Variants in MAP3K20 observed in about 807,000 individuals in gnomAD.
MAP3K20 encodes HCCS-4.
A neutral mutation model predicts 85.7 loss-of-function variants in MAP3K20; 40 were observed. The observed-to-expected ratio is 0.47, with a 90% CI of 0.36 to 0.61. The LOEUF is 0.61. Among genes scored for constraint, MAP3K20 ranks in the 20% least tolerant of loss-of-function variants. The probability of loss-of-function intolerance (pLI) is 0.00; values close to 1 mark genes in which losing one functional copy is unlikely to be tolerated. For missense variants in MAP3K20, 817 were observed against 961.7 expected, an observed-to-expected ratio of 0.85 and a Z score of 1.99; for synonymous variants, 325 against 327.7, an observed-to-expected ratio of 0.99 and a Z score of 0.09.
chr2:173,155,677 A>G (rs1689445826), intron 2 of MAP3K20, among the ~76,000 whole-genome samples: 1 of 152,126 alleles, frequency 6.6e-6, no homozygotes, highest in Non-Finnish European at 1.5e-5. Context: ...TAATTATTGG[A>G]TTTTTTTCCA....
chr2:173,108,408 G>A (rs1046876379), intron 2 of MAP3K20, among the ~76,000 whole-genome samples: 3 of 152,180 alleles, frequency 2.0e-5, no homozygotes, highest in African/African-American at 7.2e-5. Context: ...TGGGATTATA[G>A]GCGTGAGCCA....
chr2:173,186,070 T>C (rs1271134901), intron 4 of MAP3K20, among the ~76,000 whole-genome samples: 1 of 152,260 alleles, frequency 6.6e-6, no homozygotes, highest in Non-Finnish European at 1.5e-5. Flanking sequence ...ATTATTTAAA[T>C]GTATACTATG....
Position 173,266,866 on chromosome 2 carries a change from G to C in MAP3K20, c.*116G>C. On this transcript the variant is annotated 3_prime_UTR_variant, in exon 20 of 20. Coordinates refer to ENST00000375213, the MANE Select transcript of MAP3K20 (RefSeq NM_016653.3). ...AATTAACGAAAAGACAACACTTCCA[G>C]TTTTTGGATTGGGAAATACCTTCTA... The C allele has an allele frequency of 9.3e-7, 1 of 1,074,348 alleles. No homozygotes were observed. The highest frequency in any genetic ancestry group is 1.3e-6 in the Non-Finnish European group (1 of 799,794). The allele number at this position is 1,074,348 out of a possible 1,614,324, so 66.6% of individuals were successfully genotyped here.
intron 2 of MAP3K20, among the ~76,000 whole-genome samples, chr2:173,150,937 A>C (rs151067935): frequency 1.3e-3 from 195 of 152,344 alleles, no homozygotes; most frequent in African/African-American, 4.3e-3. Context: ...CCTAGCATGT[A>C]CTTTACATGG....
At chr2:173,205,543 G>C (rs1683656442) in intron 9 of MAP3K20, among the ~76,000 whole-genome samples, 1 of 152,132 alleles carries the variant, frequency 6.6e-6, no homozygotes, top group East Asian at 1.9e-4. Context: ...GGCAGCAAGG[G>C]ACCAGTGCCA....
rs1685425323 is a variant in MAP3K20 at position 173,266,441 on chromosome 2, A to G, written c.2094A>G (p.Gly698=). The change falls in exon 20 of 20, where the codon GGA becomes GGG. Residue 698 remains glycine, a synonymous_variant. Coordinates refer to ENST00000375213, the MANE Select transcript of MAP3K20 (RefSeq NM_016653.3). ...CTTCTCCTAGAGGAAGATACAGTGG[A>G]AAGAGTCAGCATTCCACTCCTTCAA... ...LNSSPRGRYS[G]KSQHSTPSRG... 3 of 1,614,180 alleles carry G rather than the reference A, an allele frequency of 1.9e-6. No individual in the cohort carries two copies. Among genetic ancestry groups the G allele is most frequent in the African/African-American group, 1.3e-5 (1 of 75,034 alleles).
At chr2:173,199,585 G>C (rs1439893374) in intron 8 of MAP3K20, among the ~76,000 whole-genome samples, 1 of 151,644 alleles carries the variant, frequency 6.6e-6, no homozygotes, top group Non-Finnish European at 1.5e-5. Context: ...TACTGACCTT[G>C]TGTAGACTCT....
At chr2:173,159,223 T>C (rs1689569749) in intron 2 of MAP3K20, among the ~76,000 whole-genome samples, 1 of 152,214 alleles carries the variant, frequency 6.6e-6, no homozygotes, top group Admixed American at 6.5e-5. Context: ...GGGATTTTCT[T>C]TGGGGATAAT....
At chr2:173,203,973 C>T (rs1239911422) in intron 9 of MAP3K20, 103 bp downstream of exon 9, 2 of 1,056,684 alleles carry the variant, frequency 1.9e-6, no homozygotes, top group Non-Finnish European at 2.9e-6. Context: ...CAAAGCAAAG[C>T]TGGATTGATG....
intron 3 of MAP3K20, among the ~76,000 whole-genome samples, chr2:173,175,277 ATTCTT>A (rs1207279800): frequency 6.6e-6 from 1 of 152,190 alleles, no homozygotes; most frequent in Non-Finnish European, 1.5e-5. Context: ...AAGTTGACTC[ATTCTT>A]TTCTTAGGTA....
chr2:173,236,693 G>A (rs972232874), intron 14 of MAP3K20, among the ~76,000 whole-genome samples: 4 of 152,172 alleles, frequency 2.6e-5, no homozygotes, highest in African/African-American at 7.2e-5. Flanking sequence ...GCCAGAGCAT[G>A]GGGATTTCCA....
At chr2:173,224,232 G>C in intron 11 of MAP3K20, 1 of 983,962 alleles carries the variant, frequency 1.0e-6, no homozygotes, top group Non-Finnish European at 1.2e-6. Flanking sequence ...TAACATTTGA[G>C]CAAGTCTGAA....
chr2:173,223,543 A>G, intron 11 of MAP3K20: 1 of 985,418 alleles, frequency 1.0e-6, no homozygotes, highest in Non-Finnish European at 1.2e-6. Flanking sequence ...CTGTAGTATG[A>G]GATGAAATTA....
At chr2:173,078,462 A>G (rs1475442918) in intron 1 of MAP3K20, among the ~76,000 whole-genome samples, 1 of 152,216 alleles carries the variant, frequency 6.6e-6, no homozygotes, top group Non-Finnish European at 1.5e-5. Context: ...ACTTTGCCCC[A>G]CTAGACACAA....
At chr2:173,234,907 C>T (rs1052610735) in intron 14 of MAP3K20, among the ~76,000 whole-genome samples, 2 of 152,040 alleles carry the variant, frequency 1.3e-5, no homozygotes, top group African/African-American at 2.4e-5. Context: ...ATTAAAAAGG[C>T]AAGGCTGGGT....
At chr2:173,194,411 C>A (rs1270048795) in intron 7 of MAP3K20, among the ~76,000 whole-genome samples, 1 of 151,836 alleles carries the variant, frequency 6.6e-6, no homozygotes, top group Non-Finnish European at 1.5e-5. Flanking sequence ...TGCTTTCCAG[C>A]GACTTTTTAT....
intron 2 of MAP3K20, among the ~76,000 whole-genome samples, chr2:173,118,135 T>C (rs773912471): frequency 3.9e-5 from 6 of 152,254 alleles, no homozygotes; most frequent in Non-Finnish European, 7.3e-5. Context: ...TTGGTAGACC[T>C]TAAGATTAAT....
chr2:173,258,735 G>T lies in MAP3K20; in HGVS notation c.1396G>T (p.Asp466Tyr). 6.2e-7 allele frequency: 1 copy of T among 1,611,780 alleles called. No individual in the cohort carries two copies. The highest frequency in any genetic ancestry group is 8.5e-7 in the Non-Finnish European group (1 of 1,178,342). Residue 466 changes from aspartate (D) to tyrosine (Y), a missense_variant, in exon 17 of 20, where the codon GAT (aspartate) becomes TAT (tyrosine). Asp to Tyr is a radical substitution (Grantham distance 160). Around this residue, in one of 4 missense-constraint regions of MAP3K20, gnomAD observed 454 missense variants for 476.9 expected, o/e 0.95. Coordinates refer to ENST00000375213, the MANE Select transcript of MAP3K20 (RefSeq NM_016653.3). ...KWKMYMEMDG[D>Y]EIAITYIKDV... The stretch of plus-strand genomic sequence containing the variant: ...GAAAATGTATATGGAGATGGATGGG[G>T]ATGAAATTGCAATAACCTACATAAA...
chr2:173,226,239 G>A (rs1684384457), intron 11 of MAP3K20: 3 of 985,260 alleles, frequency 3.0e-6, no homozygotes, highest in Admixed American at 6.2e-5. Context: ...CAGAATTACT[G>A]TGCGTACAAC....
Sources: allele counts gnomAD v4.1 joint callset (sites outside exome capture counted in the v4.1 genomes callset), GRCh38; gene constraint gnomAD v4.1.1; regional missense constraint gnomAD v4.1.1; transcripts MANE v1.5; gene names NCBI Gene and HGNC (gene_info 2026-07-23, HGNC 2026-07-21).